Variants in MCF2L observed in about 807,000 individuals in gnomAD.
The protein encoded by MCF2L is guanine nucleotide exchange factor DBS.
A neutral mutation model predicts 153.4 loss-of-function variants in MCF2L; 97 were observed. The ratio of observed to expected loss-of-function variants is 0.63; its 90% CI spans 0.54 to 0.75. The LOEUF is 0.75. Among genes scored for constraint, MCF2L ranks in the 30% least tolerant of loss-of-function variants. The pLI, the probability that MCF2L is intolerant of heterozygous loss-of-function variation, is 0.00. For synonymous variants in MCF2L, 659 were observed against 632.2 expected (o/e 1.04, Z -0.64); for missense variants, 1,347 against 1,495.2 (o/e 0.90, Z 1.64).
intron 16 of MCF2L, among the ~76,000 whole-genome samples, chr13:113,081,598 G>A (rs552178999): frequency 9.2e-5 from 14 of 152,378 alleles, no homozygotes; most frequent in African/African-American, 2.2e-4. Flanking sequence ...TTCCCGGCAC[G>A]GGGCACTCCA....
chr13:112,894,691 C>G (rs551904462), intron 1 of MCF2L, among the ~76,000 whole-genome samples: 1 of 152,260 alleles, frequency 6.6e-6, no homozygotes, highest in African/African-American at 2.4e-5. Context: ...GAGGAGACCC[C>G]GCGAGTGTCC....
rs202238873 is a variant in MCF2L at position 113,087,679 on chromosome 13, G to A, written c.2596-28G>A. The A allele has an allele frequency of 1.2e-4, 198 of 1,586,372 alleles. No individual in the cohort carries two copies. The Admixed American group carries it at 2.7e-3, about 22-fold the overall frequency. On this transcript the variant is annotated intron_variant, in intron 22 of 29. Coordinates refer to ENST00000535094, the MANE Select transcript of MCF2L (RefSeq NM_001112732.3). Reference sequence around the variant, plus strand: ...AAGGCAGTGGGTTCACTGTGCACGCGAACCCCATCTCCACTCTCTGCTCGC... The same window carrying A: ...AAGGCAGTGGGTTCACTGTGCACGCAAACCCCATCTCCACTCTCTGCTCGC...
At chr13:113,059,060 A>T (rs967879615) in intron 4 of MCF2L, among the ~76,000 whole-genome samples, 4 of 151,316 alleles carry the variant, frequency 2.6e-5, no homozygotes, top group Non-Finnish European at 5.9e-5. Flanking sequence ...AGGTCTTGCT[A>T]CTAGGATTCC....
At position 113,075,957 on chromosome 13, in the gene MCF2L, T is replaced by C. The variant is rs2033431258; in HGVS notation, c.1309-9T>C. On this transcript the variant is annotated splice_polypyrimidine_tract_variant and intron_variant, in intron 11 of 29. Coordinates refer to ENST00000535094, the MANE Select transcript of MCF2L (RefSeq NM_001112732.3). ...GCGTCCTGCCCTCGGCAATGCTCTG[T>C]GTTTCCAGTCCATGAAGTGGTGTGA... 1 of 1,597,268 alleles carries C rather than the reference T, an allele frequency of 6.3e-7. No homozygotes were observed. The highest frequency in any genetic ancestry group is 1.1e-5 in the South Asian group (1 of 89,284).
chr13:113,083,693 G>T (rs985299315), intron 17 of MCF2L, among the ~76,000 whole-genome samples: 2 of 152,212 alleles, frequency 1.3e-5, no homozygotes, highest in African/African-American at 4.8e-5. Flanking sequence ...GCCCTGAAAG[G>T]TCCCATCTCT....
At position 112,900,270 on chromosome 13, in the gene MCF2L, C is replaced by T. The variant is rs142109248; in HGVS notation, c.-4-1929C>T. On this transcript the variant is annotated intron_variant, in intron 1 of 29. Transcript: ENST00000375608. ...AGCCTTTAGACCTGCGCCAGGTTGT[C>T]CTCAGGTCTGTGCCCCTCCCGGACC... Among the ~76,000 whole-genome samples, 215 of 152,314 alleles carry T rather than the reference C, an allele frequency of 1.4e-3. 2 individuals carry two copies. The highest frequency in any genetic ancestry group is 5.1e-3 in the African/African-American group (212 of 41,554).
chr13:112,980,425 C>T (rs967628779), intron 1 of MCF2L, among the ~76,000 whole-genome samples: 1 of 152,234 alleles, frequency 6.6e-6, no homozygotes. Context: ...CTGGGGCCAG[C>T]CCCCACCCCT....
chr13:112,898,620 G>A (rs534692515), intron 1 of MCF2L, among the ~76,000 whole-genome samples: 27 of 152,132 alleles, frequency 1.8e-4, no homozygotes, highest in East Asian at 1.4e-3. Context: ...CCCACCCCTG[G>A]GACCGTCAGC....
At chr13:113,063,691 T>G (rs913819630) in intron 5 of MCF2L, among the ~76,000 whole-genome samples, 3 of 152,148 alleles carry the variant, frequency 2.0e-5, no homozygotes, top group African/African-American at 7.2e-5. Flanking sequence ...GGGACTCCAC[T>G]GGGGGTGATT....
intron 2 of MCF2L, among the ~76,000 whole-genome samples, chr13:112,924,903 T>C (rs747900507): frequency 2.0e-4 from 31 of 152,252 alleles, no homozygotes; most frequent in Middle Eastern, 3.4e-3. Context: ...TGGAACAGAA[T>C]AAAAATCCAG....
intron 2 of MCF2L, among the ~76,000 whole-genome samples, chr13:112,942,287 C>T (rs954554868): frequency 3.9e-5 from 6 of 152,204 alleles, no homozygotes; most frequent in African/African-American, 1.2e-4. Flanking sequence ...GAAATAATGG[C>T]GTAAGCTGTC....
rs2081470214 is a variant in MCF2L at position 112,932,110 on chromosome 13, G to A, written c.169+29739G>A. Among the ~76,000 whole-genome samples the A allele has an allele frequency of 6.6e-6, 1 of 151,926 alleles. No individual in the cohort carries two copies. Among genetic ancestry groups the A allele is most frequent in the Non-Finnish European group, 1.5e-5 (1 of 68,034 alleles). On this transcript the variant is annotated intron_variant, in intron 2 of 29. Transcript: ENST00000375608. The surrounding 1 kb of genome is among the most constrained non-coding windows in gnomAD (Gnocchi z 4.6). ...GTGCGCAGCTATGTGGTTCCGAAGA[G>A]TTCAAGACGAAAAGAGGGAGAAAGA... is the stretch of plus-strand genomic sequence containing the variant.
rs1182793338 is a variant in MCF2L, at chr13:113,035,237, T to C, written c.279-10034T>C. Among the ~76,000 whole-genome samples the C allele has an allele frequency of 6.6e-6, 1 of 152,236 alleles. No individual in the cohort carries two copies. Among genetic ancestry groups the C allele is most frequent in the Non-Finnish European group, 1.5e-5 (1 of 68,038 alleles). The stretch of plus-strand genomic sequence containing the variant: ...GACGCTCTCATTGCTTCACGTTTAA[T>C]TTTTGTGTCCTGCTGTAACTACCAT... On this transcript the variant is annotated intron_variant, in intron 3 of 29. Coordinates refer to ENST00000535094, the MANE Select transcript of MCF2L (RefSeq NM_001112732.3). This position sits in a 1 kb window ranked among gnomAD's most constrained non-coding sequence, Gnocchi z 4.4.
intron 1 of MCF2L, among the ~76,000 whole-genome samples, chr13:112,973,158 A>G (rs2082109046): frequency 6.6e-6 from 1 of 152,124 alleles, no homozygotes; most frequent in Non-Finnish European, 1.5e-5. Flanking sequence ...TAGCCAGCCC[A>G]GCGGTTTCTG....
intron 2 of MCF2L, chr13:112,910,176 A>T (rs1594309272): frequency 6.6e-6 from 1 of 152,364 alleles, no homozygotes; most frequent in East Asian, 1.9e-4. Flanking sequence ...TGCTGACCAC[A>T]AGGTCTCTTT....
chr13:113,003,160 C>T (rs971423534), intron 1 of MCF2L, among the ~76,000 whole-genome samples: 2 of 152,180 alleles, frequency 1.3e-5, no homozygotes, highest in African/African-American at 4.8e-5. Flanking sequence ...TGGGTGAGGG[C>T]GTGAGCAGGT....
At chr13:112,915,921 G>T (rs112591248) in intron 2 of MCF2L, among the ~76,000 whole-genome samples, 2,834 of 152,074 alleles carry the variant, frequency 0.019, 90 homozygotes, top group African/African-American at 0.064. Context: ...AAAACAGGCC[G>T]GGCGCAGTGG....
chr13:112,954,329 C>G (rs1368112057), intron 2 of MCF2L, among the ~76,000 whole-genome samples: 2 of 152,140 alleles, frequency 1.3e-5, no homozygotes, highest in Admixed American at 1.3e-4. Context: ...TCCAGGACAC[C>G]TCCTGGGGCT....
At chr13:113,038,656 C>T (rs1484084217) in intron 3 of MCF2L, among the ~76,000 whole-genome samples, 2 of 152,056 alleles carry the variant, frequency 1.3e-5, no homozygotes, top group African/African-American at 4.8e-5. Flanking sequence ...TGGCAGGCTG[C>T]CTTTACATTT....
Sources: gnomAD v4.1 joint callset for allele counts (sites outside exome capture counted in the v4.1 genomes callset) on GRCh38, gnomAD v4.1.1 for gene constraint, Gnocchi (gnomAD v3.1) non-coding constraint, MANE v1.5 for transcripts, NCBI Gene and HGNC (gene_info 2026-07-23, HGNC 2026-07-21) for gene names.